PI4KA: variants seen among roughly 807,000 people sequenced by gnomAD.
The protein encoded by PI4KA is PI4-kinase alpha.
In PI4KA, 122 loss-of-function variants were observed where a neutral mutation model predicts 271.4. That is an observed-to-expected ratio of 0.45 (90% CI 0.39 to 0.52). PI4KA has a LOEUF of 0.52. Among genes scored for constraint, PI4KA ranks in the 20% least tolerant of loss-of-function variants. PI4KA has a pLI of 0.00. For missense variants in PI4KA, 1,969 were observed against 2,769.1 expected (o/e 0.71, Z 6.48); for synonymous variants, 1,041 against 1,078.8 (o/e 0.96, Z 0.69).
chr22:20,820,670 G>T, intron 4 of PI4KA, 59 bp from the exon 5 acceptor site: 1 of 1,194,964 alleles, frequency 8.4e-7, no homozygotes, highest in Non-Finnish European at 1.2e-6. Flanking sequence ...TAAATATCAC[G>T]AAACTAAGTC....
At position 20,753,121 on chromosome 22, in the gene PI4KA, T is replaced by C. The variant is rs1930888211; in HGVS notation, c.2851A>G (p.Met951Val). Residue 951 changes from methionine to valine, a missense_variant, in exon 24 of 55, where the codon ATG becomes GTG. Around this residue, in one of 13 missense-constraint regions of PI4KA, gnomAD observed 368 missense variants for 544.3 expected, o/e 0.68. Coordinates refer to ENST00000255882, the MANE Select transcript of PI4KA (RefSeq NM_058004.4). ...CTGGAGAGGCTTACTTTATCCGCCA[T>C]CATGTTCAGGAAGGCATCGAATACT... ...DKVFDAFLNM[M>V]ADKAKTKENE... 3.7e-6 allele frequency: 6 copies of C among 1,614,100 alleles called. No individual in the cohort carries two copies. Among genetic ancestry groups the C allele is most frequent in the Non-Finnish European group, 4.2e-6 (5 of 1,180,022 alleles).
intron 19 of PI4KA, among the ~76,000 whole-genome samples, chr22:20,776,262 G>A (rs186636243): frequency 9.9e-5 from 15 of 152,126 alleles, no homozygotes; most frequent in African/African-American, 3.1e-4. Context: ...AGGAACAGGT[G>A]GCAGTGAACC....
intron 19 of PI4KA, chr22:20,779,244 C>T (rs757745528): frequency 4.4e-6 from 7 of 1,609,040 alleles, no homozygotes; most frequent in Non-Finnish European, 5.1e-6. Flanking sequence ...GATGCTGCAG[C>T]GGGGTGTGGA....
At chr22:20,855,309 C>T (rs1927461503) in intron 1 of PI4KA, among the ~76,000 whole-genome samples, 3 of 152,024 alleles carry the variant, frequency 2.0e-5, no homozygotes, top group South Asian at 4.2e-4. Flanking sequence ...GGTACATGTG[C>T]ACAACATGCA....
chr22:20,827,414 T>A lies in PI4KA; in HGVS notation c.368-3000A>T, dbSNP rs1318984120. Among the ~76,000 whole-genome samples, 16 of 152,314 alleles carry A rather than the reference T, an allele frequency of 1.1e-4. No individual in the cohort carries two copies. The South Asian group carries it at 2.9e-3, about 28-fold the overall frequency. On this transcript the variant is annotated intron_variant, in intron 3 of 54. Coordinates refer to ENST00000255882, the MANE Select transcript of PI4KA (RefSeq NM_058004.4). ...CTATTCTATTTGTCTATGTGCTATT[T>A]TTTTTACCAGTACCATGCTGTTTTG...
At position 20,808,903 on chromosome 22, in the gene PI4KA, G is replaced by A. The variant is rs540909698; in HGVS notation, c.1072-1445C>T. The stretch of plus-strand genomic sequence containing the variant: ...TGCAAATATAGCAAATCTTTAAGGC[G>A]CCAGAAGTTGGCCAGAGTGGGATAG... On this transcript the variant is annotated intron_variant, in intron 9 of 54. Coordinates refer to ENST00000255882, the MANE Select transcript of PI4KA (RefSeq NM_058004.4). 2.1e-3 allele frequency among the ~76,000 whole-genome samples: 315 copies of A among 152,186 alleles called. 3 individuals are homozygous for A. The highest frequency in any genetic ancestry group is 6.7e-3 in the African/African-American group (280 of 41,512).
At position 20,709,832 on chromosome 22, in the gene PI4KA, G is replaced by A. The variant is rs146546335; in HGVS notation, c.6173+76C>T. On this transcript the variant is annotated intron_variant, in intron 53 of 54. Transcript: ENST00000255882. ...AACCACAGTGACAATTACATGAAAGGTACCTATCTTGGATGGAGCCTCAGC... is the reference window on the plus strand; with the variant it reads ...AACCACAGTGACAATTACATGAAAGATACCTATCTTGGATGGAGCCTCAGC... The A allele has an allele frequency of 0.069, 58,832 of 853,092 alleles. 2,163 individuals are homozygous for A. Among genetic ancestry groups the A allele is most frequent in the African/African-American group, 0.082 (4,694 of 57,380 alleles). The allele number at this position is 853,092 out of a possible 1,614,324, so 52.8% of individuals were successfully genotyped here.
intron 19 of PI4KA, among the ~76,000 whole-genome samples, chr22:20,769,470 T>C (rs779265246): frequency 6.6e-6 from 1 of 151,810 alleles, no homozygotes; most frequent in Non-Finnish European, 1.5e-5. Flanking sequence ...GAGATCGAGA[T>C]CAGCCTGGCT....
At chr22:20,836,954 T>A (rs5760910) in intron 2 of PI4KA, among the ~76,000 whole-genome samples, 10,450 of 152,268 alleles carry the variant, frequency 0.069, 350 homozygotes, top group East Asian at 0.079. Context: ...AAAGATATTA[T>A]CAAGTAATCC....
At chr22:20,762,488 C>T (rs1268191881) in intron 22 of PI4KA, among the ~76,000 whole-genome samples, 1 of 152,174 alleles carries the variant, frequency 6.6e-6, no homozygotes, top group African/African-American at 2.4e-5. Flanking sequence ...GGTGGGCTCA[C>T]AGGAGCTGCT....
Position 20,765,587 on chromosome 22 carries a change from G to C in PI4KA, c.2435C>G (p.Ser812Ter). The part of the protein sequence containing the change: ...SVLMGFAVEG[S>*]GLWPEEWYEG... Reference sequence around the variant, plus strand: ...TGGGAGAGAGATGATCCCCCTACCTGAGCCCTCCACAGCGAATCCCATCAG... The same window carrying C: ...TGGGAGAGAGATGATCCCCCTACCTCAGCCCTCCACAGCGAATCCCATCAG... The change falls in exon 20 of 55, where the codon TCA (serine) becomes TGA (stop). Residue 812 changes from serine (S) to a stop codon, truncating the protein, a stop_gained and splice_region_variant. Transcript: ENST00000255882. LOFTEE classifies it high-confidence loss of function. The C allele has an allele frequency of 6.3e-7, 1 of 1,585,708 alleles. No individual in the cohort carries two copies. Among genetic ancestry groups the C allele is most frequent in the Non-Finnish European group, 8.7e-7 (1 of 1,155,188 alleles).
At chr22:20,798,871 A>G (rs1569046158) in intron 16 of PI4KA, 184 bp from the exon 17 acceptor site, 2 of 625,224 alleles carry the variant, frequency 3.2e-6, no homozygotes, top group African/African-American at 3.7e-5. Flanking sequence ...GACATGGCTT[A>G]GATTCAAATC....
At chr22:20,774,385 A>T (rs1335362958) in intron 19 of PI4KA, among the ~76,000 whole-genome samples, 1 of 152,250 alleles carries the variant, frequency 6.6e-6, no homozygotes, top group Non-Finnish European at 1.5e-5. Flanking sequence ...TACTTATATT[A>T]AATTAATCGA....
intron 17 of PI4KA, among the ~76,000 whole-genome samples, chr22:20,797,886 A>C (rs118145797): frequency 6.6e-6 from 1 of 151,992 alleles, no homozygotes; most frequent in Non-Finnish European, 1.5e-5. Context: ...TTCCCTCCCC[A>C]CCCTCCTGTC....
intron 16 of PI4KA, 74 bp downstream of exon 16, chr22:20,799,019 G>T (rs1030935588): frequency 8.2e-7 from 1 of 1,223,470 alleles, no homozygotes; most frequent in African/African-American, 1.5e-5. Flanking sequence ...ATCTGTATTT[G>T]TACATCCCTT....
intron 19 of PI4KA, chr22:20,786,291 C>A: frequency 2.2e-6 from 2 of 909,912 alleles, no homozygotes; most frequent in Non-Finnish European, 3.5e-6. Context: ...GGGTGGGATA[C>A]ACAGAATGCC....
intron 1 of PI4KA, 58 bp downstream of exon 1, chr22:20,858,512 C>A: frequency 2.5e-6 from 3 of 1,222,662 alleles, no homozygotes; most frequent in South Asian, 2.3e-5. Context: ...CCCGCCTCCA[C>A]GCTTCGTCAC....
At chr22:20,797,931 C>G (rs547234421) in intron 17 of PI4KA, among the ~76,000 whole-genome samples, 129 of 152,166 alleles carry the variant, frequency 8.5e-4, no homozygotes, top group Non-Finnish European at 1.7e-3. Context: ...TCCCTCTCTT[C>G]CAAACACGGA....
At chr22:20,786,163 G>A (rs1370677763) in intron 19 of PI4KA, 2 of 1,613,570 alleles carry the variant, frequency 1.2e-6, no homozygotes, top group Non-Finnish European at 1.7e-6. Flanking sequence ...CCACTCCCTT[G>A]TCCACCCCCG....
Sources: allele counts gnomAD v4.1 joint callset (sites outside exome capture counted in the v4.1 genomes callset), GRCh38; gene constraint gnomAD v4.1.1; regional missense constraint gnomAD v4.1.1; transcripts MANE v1.5; gene names NCBI Gene and HGNC (gene_info 2026-07-23, HGNC 2026-07-21).